Variants in KPNA3 observed in about 807,000 individuals in gnomAD.
KPNA3 encodes importin subunit alpha-4.
KPNA3 carries 13 observed loss-of-function variants against 73.8 expected under a neutral mutation model. That is an observed-to-expected ratio of 0.18 (90% CI 0.11 to 0.28). The LOEUF is 0.28. Among genes scored for constraint, KPNA3 ranks in the 10% least tolerant of loss-of-function variants. The pLI is 1.00. For synonymous variants in KPNA3, 186 were observed against 206.9 expected (o/e 0.90, Z 0.87); for missense variants, 360 against 618.1 (o/e 0.58, Z 4.43).
chr13:49,789,894 T>C (rs1955018408), intron 1 of KPNA3, among the ~76,000 whole-genome samples: 1 of 152,124 alleles, frequency 6.6e-6, no homozygotes, highest in Admixed American at 6.5e-5. Flanking sequence ...CTCACTCCCA[T>C]TCATCCATTA....
At chr13:49,730,222 G>A (rs1954449323) in intron 6 of KPNA3, among the ~76,000 whole-genome samples, 1 of 152,136 alleles carries the variant, frequency 6.6e-6, no homozygotes, top group Admixed American at 6.5e-5. Context: ...AAAAGAAGAA[G>A]AGAAGTTGGC....
chr13:49,761,125 T>C (rs1247413972), intron 1 of KPNA3, among the ~76,000 whole-genome samples: 1 of 152,238 alleles, frequency 6.6e-6, no homozygotes, highest in African/African-American at 2.4e-5. Flanking sequence ...CTACAACAAC[T>C]GGATCCTGGC....
intron 10 of KPNA3, among the ~76,000 whole-genome samples, chr13:49,718,977 C>G (rs149184003): frequency 1.9e-5 from 2 of 105,806 alleles, no homozygotes; most frequent in South Asian, 6.5e-4. Context: ...ATAAAGATTA[C>G]AAAAACACAA....
intron 10 of KPNA3, among the ~76,000 whole-genome samples, chr13:49,713,181 C>G (rs1213549272): frequency 6.6e-6 from 1 of 151,896 alleles, no homozygotes; most frequent in African/African-American, 2.4e-5. Context: ...AAAAGAATTA[C>G]AAAGAAAAAA....
Position 49,701,544 on chromosome 13 carries a change from C to T in KPNA3, c.*256G>A, listed in dbSNP as rs997661287. On this transcript the variant is annotated 3_prime_UTR_variant, in exon 17 of 17. Transcript: ENST00000261667. ...GTTGTCAGCCTGTGGCACCAGGGAA[C>T]AGGGAAAAATAGGGTAGTTGAGATT... The T allele has an allele frequency of 5.3e-6, 3 of 567,408 alleles. No individual in the cohort carries two copies. Among genetic ancestry groups the T allele is most frequent in the African/African-American group, 1.9e-5 (1 of 53,570 alleles). The allele number at this position is 567,408 out of a possible 1,614,324, so 35.1% of individuals were successfully genotyped here.
rs140633633 is a variant in KPNA3, at chr13:49,755,869, A to G, written c.70-8876T>C. 3.9e-4 allele frequency among the ~76,000 whole-genome samples: 59 copies of G among 152,330 alleles called. No individual in the cohort carries two copies. The East Asian group carries it at 0.011, about 29-fold the overall frequency. ...AAAAATTCCAAGGAATATACCAAAA[A>G]CTTTCCAGATCTATTAAGTGAGTTC... is the stretch of plus-strand genomic sequence containing the variant. On this transcript the variant is annotated intron_variant, in intron 1 of 16. Transcript: ENST00000261667.
intron 1 of KPNA3, among the ~76,000 whole-genome samples, chr13:49,782,753 CCTGTCCAG>C (rs1954951299): frequency 6.6e-6 from 1 of 151,824 alleles, no homozygotes; most frequent in African/African-American, 2.4e-5. Flanking sequence ...GTGGCGTGCA[CCTGTCCAG>C]CTACTTGAGA....
chr13:49,705,307 T>G (rs1954196792), intron 15 of KPNA3, among the ~76,000 whole-genome samples: 1 of 149,360 alleles, frequency 6.7e-6, no homozygotes, highest in East Asian at 2.0e-4. Flanking sequence ...TGCAATGAGC[T>G]GAGATTGTGC....
intron 7 of KPNA3, 21 bp downstream of exon 7, chr13:49,725,395 G>A (rs866015146): frequency 6.8e-7 from 1 of 1,469,494 alleles, no homozygotes; most frequent in Middle Eastern, 1.7e-4. Flanking sequence ...AAAAAGTTCA[G>A]ACAGTAAGGA....
At chr13:49,755,359 A>G (rs1566352126) in intron 1 of KPNA3, among the ~76,000 whole-genome samples, 2 of 144,122 alleles carry the variant, frequency 1.4e-5, no homozygotes, top group East Asian at 1.9e-4. Flanking sequence ...CTAGTGGTGA[A>G]AAGTCTGAAT....
At chr13:49,719,200 A>G (rs554648033) in intron 10 of KPNA3, among the ~76,000 whole-genome samples, 5 of 152,294 alleles carry the variant, frequency 3.3e-5, no homozygotes, top group African/African-American at 1.2e-4. Flanking sequence ...AAAAAAAATC[A>G]CCTAAAAATG....
chr13:49,756,147 G>A (rs1181395600), intron 1 of KPNA3, among the ~76,000 whole-genome samples: 1 of 152,172 alleles, frequency 6.6e-6, no homozygotes, highest in Non-Finnish European at 1.5e-5. Context: ...CGTGGTATAT[G>A]CCTGTAGTCT....
At chr13:49,718,800 T>G (rs1258772724) in intron 10 of KPNA3, among the ~76,000 whole-genome samples, 1 of 152,162 alleles carries the variant, frequency 6.6e-6, no homozygotes, top group Non-Finnish European at 1.5e-5. Context: ...GAGCTTAAAA[T>G]CTGCAAATGA....
At chr13:49,729,922 G>GTGGA (rs1352370826) in intron 6 of KPNA3, among the ~76,000 whole-genome samples, 1 of 152,134 alleles carries the variant, frequency 6.6e-6, no homozygotes, top group Non-Finnish European at 1.5e-5. Flanking sequence ...CAAAAGCCAC[G>GTGGA]TGGATTTTTA....
At chr13:49,751,454 CA>C (rs1954662477) in intron 1 of KPNA3, among the ~76,000 whole-genome samples, 1 of 152,174 alleles carries the variant, frequency 6.6e-6, no homozygotes, top group African/African-American at 2.4e-5. Flanking sequence ...TGCACTGAAT[CA>C]ATTTTCCACA....
chr13:49,747,363 A>T lies in KPNA3; in HGVS notation c.70-370T>A, dbSNP rs560288749. Among the ~76,000 whole-genome samples the T allele has an allele frequency of 2.6e-5, 4 of 151,024 alleles. No homozygotes were observed. The East Asian group carries it at 7.9e-4, about 30-fold the overall frequency. ...CTGCATCTCAAAAAAAAGAAGAAGA[A>T]GAAAAAAAAAAACTCAGGTATTTGA... On this transcript the variant is annotated intron_variant, in intron 1 of 16. Transcript: ENST00000261667.
At chr13:49,733,247 T>TAC (rs1173575623) in intron 2 of KPNA3, among the ~76,000 whole-genome samples, 1 of 150,694 alleles carries the variant, frequency 6.6e-6, no homozygotes, top group Admixed American at 6.6e-5. Context: ...GGCTGGCTTT[T>TAC]ACACACACAC....
At chr13:49,757,543 T>G (rs1954722024) in intron 1 of KPNA3, among the ~76,000 whole-genome samples, 1 of 152,218 alleles carries the variant, frequency 6.6e-6, no homozygotes, top group Admixed American at 6.5e-5. Flanking sequence ...TACTTTCAAA[T>G]GCTGGTGAGT....
intron 1 of KPNA3, among the ~76,000 whole-genome samples, chr13:49,785,032 T>C (rs1443313975): frequency 3.9e-5 from 6 of 152,146 alleles, no homozygotes; most frequent in Non-Finnish European, 8.8e-5. Flanking sequence ...GAGAAGGATA[T>C]TCCAGTCAGC....
Sources: gnomAD v4.1 joint callset for allele counts (sites outside exome capture counted in the v4.1 genomes callset) on GRCh38, gnomAD v4.1.1 for gene constraint, MANE v1.5 for transcripts, NCBI Gene and HGNC (gene_info 2026-07-23, HGNC 2026-07-21) for gene names.